The following SESTD1 variants were observed in gnomAD, a reference collection of about 807,000 sequenced individuals.
SESTD1 encodes SEC14 domain and spectrin repeat-containing protein 1.
SESTD1 carries 43 observed loss-of-function variants against 101.7 expected under a neutral mutation model. The observed-to-expected ratio is 0.42, with a 90% CI of 0.33 to 0.55. The LOEUF is 0.55. Ranked by LOEUF, SESTD1 falls within the 20% of genes least tolerant of loss-of-function variation. The pLI, the probability that SESTD1 is intolerant of heterozygous loss-of-function variation, is 0.07. For synonymous variants in SESTD1, 283 were observed against 286.8 expected (o/e 0.99, Z 0.13); for missense variants, 647 against 815.1 (o/e 0.79, Z 2.51).
chr2:179,126,147 A>T (rs561933992), intron 10 of SESTD1, among the ~76,000 whole-genome samples: 109 of 152,240 alleles, frequency 7.2e-4, no homozygotes, highest in African/African-American at 2.1e-3. Flanking sequence ...GTTAAAAAAA[A>T]TTTTTTTCTT....
At chr2:179,228,924 C>G (rs1010680574) in intron 1 of SESTD1, among the ~76,000 whole-genome samples, 1 of 151,962 alleles carries the variant, frequency 6.6e-6, no homozygotes, top group African/African-American at 2.4e-5. Flanking sequence ...AAAGTGGGGG[C>G]TGGAGGCAAG....
At chr2:179,122,050 C>A in intron 12 of SESTD1, 121 bp from the exon 13 acceptor site, 1 of 862,680 alleles carries the variant, frequency 1.2e-6, no homozygotes, top group Non-Finnish European at 1.6e-6. Context: ...GTACAGTAAA[C>A]CACCTTGGGA....
At chr2:179,186,091 C>T (rs1184964921) in intron 2 of SESTD1, among the ~76,000 whole-genome samples, 1 of 146,726 alleles carries the variant, frequency 6.8e-6, no homozygotes, top group Non-Finnish European at 1.5e-5. Context: ...ATAATACATA[C>T]TAGGAAAACA....
chr2:179,130,820 T>C (rs2044995553), intron 10 of SESTD1, among the ~76,000 whole-genome samples: 1 of 151,924 alleles, frequency 6.6e-6, no homozygotes, highest in Non-Finnish European at 1.5e-5. Flanking sequence ...TAACATGTTC[T>C]AGAACAGTCT....
chr2:179,188,462 A>C (rs1289798006), intron 2 of SESTD1, among the ~76,000 whole-genome samples: 1 of 152,178 alleles, frequency 6.6e-6, no homozygotes. Flanking sequence ...ACACAGCAAA[A>C]CCCCATCTTT....
chr2:179,145,934 GATA>G (rs1185137936), intron 8 of SESTD1, among the ~76,000 whole-genome samples: 7 of 151,994 alleles, frequency 4.6e-5, no homozygotes, highest in Admixed American at 1.3e-4. Flanking sequence ...TCATTTTATA[GATA>G]ATAAATTAAA....
At chr2:179,130,925 C>G (rs556014814) in intron 10 of SESTD1, among the ~76,000 whole-genome samples, 48 of 151,784 alleles carry the variant, frequency 3.2e-4, no homozygotes, top group Non-Finnish European at 6.5e-4. Context: ...TCCTCAGGAA[C>G]AGGGTTTGTA....
chr2:179,132,270 A>G, intron 10 of SESTD1, 34 bp downstream of exon 10: 1 of 1,519,870 alleles, frequency 6.6e-7, no homozygotes, highest in Non-Finnish European at 8.7e-7. Flanking sequence ...CGTTCATAAT[A>G]TCATTGTAAC....
At chr2:179,134,957 GT>G in intron 9 of SESTD1, among the ~76,000 whole-genome samples, 1 of 152,056 alleles carries the variant, frequency 6.6e-6, no homozygotes, top group African/African-American at 2.4e-5. Flanking sequence ...TTTTTTGTTT[GT>G]TTTGGAGATG....
intron 1 of SESTD1, among the ~76,000 whole-genome samples, chr2:179,220,544 T>C (rs2105526149): frequency 6.6e-6 from 1 of 152,288 alleles, no homozygotes. Context: ...TCTCTACCTG[T>C]ACATTTTCTG....
At chr2:179,123,284 A>C (rs2044793610) in intron 12 of SESTD1, among the ~76,000 whole-genome samples, 1 of 152,232 alleles carries the variant, frequency 6.6e-6, no homozygotes. Context: ...TTGGTGAGAC[A>C]AGAACCAAAA....
intron 1 of SESTD1, among the ~76,000 whole-genome samples, chr2:179,193,676 A>C (rs1307083869): frequency 6.6e-6 from 1 of 152,204 alleles, no homozygotes; most frequent in East Asian, 1.9e-4. Flanking sequence ...GGTAGGTACT[A>C]TTATTTTATT....
In SESTD1 at chr2:179,104,269, G is replaced by GT. The variant is rs2044333276; in HGVS notation, c.*5629dup. ...ACTCTGGTTTATAACTGTCAAAGTG[G>GT]TATTTCGATCCTTTCACCTTTACAA... On this transcript the variant is annotated 3_prime_UTR_variant, in exon 18 of 18. Transcript: ENST00000428443. The GT allele has an allele frequency of 6.6e-6, 1 of 152,020 alleles. No homozygotes were observed. The highest frequency in any genetic ancestry group is 6.6e-5 in the Admixed American group (1 of 15,254). The allele number at this position is 152,020 out of a possible 1,614,324, so 9.4% of individuals were successfully genotyped here.
intron 2 of SESTD1, among the ~76,000 whole-genome samples, chr2:179,184,356 GA>G (rs2046173446): frequency 6.6e-6 from 1 of 152,096 alleles, no homozygotes; most frequent in Non-Finnish European, 1.5e-5. Context: ...AAGGTGTGAA[GA>G]AAAAGACTCA....
intron 10 of SESTD1, among the ~76,000 whole-genome samples, chr2:179,127,548 G>A (rs114184659): frequency 0.041 from 6,268 of 152,312 alleles, 157 homozygotes; most frequent in Middle Eastern, 0.099. Context: ...ACATGTGGCA[G>A]TGTCTGGAAA....
At chr2:179,160,370 C>G (rs556311489) in intron 5 of SESTD1, among the ~76,000 whole-genome samples, 1 of 152,066 alleles carries the variant, frequency 6.6e-6, no homozygotes, top group Admixed American at 6.5e-5. Flanking sequence ...ACAAAAAAAG[C>G]TTTGAAAATC....
chr2:179,239,377 C>G (rs914403707), intron 1 of SESTD1, among the ~76,000 whole-genome samples: 3 of 147,230 alleles, frequency 2.0e-5, no homozygotes, highest in African/African-American at 7.7e-5. Flanking sequence ...GATGAGTCAT[C>G]TGCAGGAAGT....
chr2:179,199,462 A>T (rs536804489), intron 1 of SESTD1, among the ~76,000 whole-genome samples: 1 of 152,394 alleles, frequency 6.6e-6, no homozygotes, highest in Non-Finnish European at 1.5e-5. Context: ...TTATGAGGCC[A>T]GCATCATCCT....
chr2:179,254,255 T>G (rs1385871761), intron 1 of SESTD1, among the ~76,000 whole-genome samples: 2 of 152,106 alleles, frequency 1.3e-5, no homozygotes, highest in East Asian at 3.9e-4. Context: ...GAAAAAAAAT[T>G]TAGGAGCTAA....
Sources: gnomAD v4.1 joint callset for allele counts (sites outside exome capture counted in the v4.1 genomes callset) on GRCh38, gnomAD v4.1.1 for gene constraint, MANE v1.5 for transcripts, NCBI Gene and HGNC (gene_info 2026-07-23, HGNC 2026-07-21) for gene names.